PRDM1: variants seen among roughly 807,000 people sequenced by gnomAD.
PRDM1 encodes PR domain zinc finger protein 1.
In PRDM1, 13 loss-of-function variants were observed where a neutral mutation model predicts 62.8. That is an observed-to-expected ratio of 0.21 (90% CI 0.13 to 0.33). PRDM1 has a LOEUF of 0.33. PRDM1 is among the 10% of genes least tolerant of loss of function. The probability of loss-of-function intolerance (pLI) is 1.00; values close to 1 mark genes in which losing one functional copy is unlikely to be tolerated. For missense variants in PRDM1, 895 were observed against 1,058.8 expected (o/e 0.85, Z 2.15); for synonymous variants, 396 against 417.6 (o/e 0.95, Z 0.63).
chr6:106,024,032 C>G (rs1232236015), intron 1 of PRDM1, among the ~76,000 whole-genome samples: 4 of 151,974 alleles, frequency 2.6e-5, no homozygotes, highest in African/African-American at 9.7e-5. Context: ...GTCCTAGGTC[C>G]TTGGGAGGCT....
chr6:106,072,635 G>T (rs1773537038), intron 1 of PRDM1, among the ~76,000 whole-genome samples: 1 of 152,226 alleles, frequency 6.6e-6, no homozygotes, highest in Non-Finnish European at 1.5e-5. Flanking sequence ...ACTTTGGGGG[G>T]CTCTGCCCGG....
chr6:106,052,817 A>C (rs574339602), intron 1 of PRDM1, among the ~76,000 whole-genome samples: 2 of 152,118 alleles, frequency 1.3e-5, no homozygotes, highest in Non-Finnish European at 1.5e-5. Context: ...CTAAAAATAC[A>C]AAAATTAGCC....
At chr6:106,063,283 G>T (rs1773375347) in intron 1 of PRDM1, among the ~76,000 whole-genome samples, 1 of 152,154 alleles carries the variant, frequency 6.6e-6, no homozygotes, top group Non-Finnish European at 1.5e-5. Flanking sequence ...GATAATCTCA[G>T]CACCAACTAG....
chr6:106,075,240 A>T (rs1773587528), intron 1 of PRDM1, among the ~76,000 whole-genome samples: 1 of 152,228 alleles, frequency 6.6e-6, no homozygotes, highest in Admixed American at 6.5e-5. Flanking sequence ...TATTTAAAGT[A>T]AGGACAGTCT....
At chr6:106,088,710 T>C (rs1773882498) in intron 2 of PRDM1, among the ~76,000 whole-genome samples, 1 of 152,216 alleles carries the variant, frequency 6.6e-6, no homozygotes, top group Non-Finnish European at 1.5e-5. Context: ...AAAAGCAACT[T>C]GCAGCATAGG....
intron 1 of PRDM1, among the ~76,000 whole-genome samples, chr6:106,069,015 C>A (rs111952974): frequency 6.6e-5 from 10 of 152,154 alleles, no homozygotes; most frequent in Non-Finnish European, 1.0e-4. Context: ...GCAGAAAGCA[C>A]ACCAGGTTGT....
In PRDM1 at chr6:106,086,604, C is replaced by T. The variant is rs1236227580; in HGVS notation, c.42+9C>T. 4 of 1,546,382 alleles carry T rather than the reference C, an allele frequency of 2.6e-6. No individual in the cohort carries two copies. Among genetic ancestry groups the T allele is most frequent in the Non-Finnish European group, 3.5e-6 (4 of 1,143,372 alleles). ...GTGTGGGTACGACCTTGGTAAGGAACTTGAATTTTTTTTTTTTAATTCTGA... is the reference window on the plus strand; with the variant it reads ...GTGTGGGTACGACCTTGGTAAGGAATTTGAATTTTTTTTTTTTAATTCTGA... On this transcript the variant is annotated intron_variant, in intron 1 of 6. Coordinates refer to ENST00000369096, the MANE Select transcript of PRDM1 (RefSeq NM_001198.4).
chr6:106,022,986 T>C (rs1274385999), intron 1 of PRDM1, among the ~76,000 whole-genome samples: 1 of 152,250 alleles, frequency 6.6e-6, no homozygotes, highest in Non-Finnish European at 1.5e-5. Flanking sequence ...GCGATTCTTT[T>C]GTGTTCTTCC....
intron 1 of PRDM1, among the ~76,000 whole-genome samples, chr6:106,064,361 AG>A (rs1773393254): frequency 1.3e-5 from 2 of 152,366 alleles, no homozygotes; most frequent in South Asian, 4.1e-4. Flanking sequence ...GTGATCACTC[AG>A]GATCAGTGAG....
chr6:106,056,223 A>G (rs1446255529), intron 1 of PRDM1, among the ~76,000 whole-genome samples: 4 of 151,964 alleles, frequency 2.6e-5, no homozygotes, highest in African/African-American at 9.7e-5. Flanking sequence ...TGGCCTTCCC[A>G]CTCTGTTGTC....
intron 1 of PRDM1, among the ~76,000 whole-genome samples, chr6:106,006,870 C>G (rs1772489767): frequency 1.3e-5 from 2 of 151,868 alleles, no homozygotes; most frequent in Non-Finnish European, 1.5e-5. Context: ...TCACAGTAAG[C>G]TTAAAAATGT....
At chr6:106,018,687 G>A (rs961636277) in intron 1 of PRDM1, among the ~76,000 whole-genome samples, 2 of 151,934 alleles carry the variant, frequency 1.3e-5, no homozygotes, top group African/African-American at 2.4e-5. Context: ...TGGGGTTATG[G>A]GCTTTTTGGA....
intron 2 of PRDM1, among the ~76,000 whole-genome samples, chr6:106,092,612 T>C (rs1201688496): frequency 9.2e-5 from 14 of 152,212 alleles, no homozygotes. Flanking sequence ...TGTTACAAAC[T>C]ATGGGTCAGG....
At chr6:106,066,659 GA>G (rs1773438945) in intron 1 of PRDM1, among the ~76,000 whole-genome samples, 1 of 151,954 alleles carries the variant, frequency 6.6e-6, no homozygotes, top group Non-Finnish European at 1.5e-5. Flanking sequence ...TTAAAGATTT[GA>G]AAAAATACAG....
At chr6:106,055,210 G>C (rs955782595) in intron 1 of PRDM1, among the ~76,000 whole-genome samples, 14 of 152,186 alleles carry the variant, frequency 9.2e-5, no homozygotes, top group African/African-American at 2.9e-4. Flanking sequence ...ACTGGGCAGG[G>C]TCCTTAAATG....
rs897545220 is a variant in PRDM1, at chr6:106,040,680, AATT to A, written c.-67+47049_-67+47051del. On this transcript the variant is annotated intron_variant, in intron 1 of 6. Transcript: ENST00000652320. Reference sequence around the variant, plus strand: ...ATTTCTTGTTTGTTAAAATTACAAGAATTATTATTAATTTGCAGTTATGAATTA... The same window carrying A: ...ATTTCTTGTTTGTTAAAATTACAAGAATTATTAATTTGCAGTTATGAATTA... Among the ~76,000 whole-genome samples the A allele has an allele frequency of 5.6e-4, 86 of 152,338 alleles. 1 individual carries two copies. The highest frequency in any genetic ancestry group is 2.5e-3 in the Admixed American group (39 of 15,306).
chr6:106,075,607 T>G (rs1327413021), intron 1 of PRDM1, among the ~76,000 whole-genome samples: 1 of 152,236 alleles, frequency 6.6e-6, no homozygotes, highest in Non-Finnish European at 1.5e-5. Flanking sequence ...TTTTTTCACA[T>G]AGTGAGAATC....
At chr6:106,022,779 C>T (rs1239530664) in intron 1 of PRDM1, among the ~76,000 whole-genome samples, 6 of 152,140 alleles carry the variant, frequency 3.9e-5, no homozygotes, top group Admixed American at 3.9e-4. Flanking sequence ...TGGTCTCAAA[C>T]TCCTGGCCCC....
At chr6:106,025,393 C>A (rs1772750691) in intron 1 of PRDM1, among the ~76,000 whole-genome samples, 1 of 152,172 alleles carries the variant, frequency 6.6e-6, no homozygotes, top group African/African-American at 2.4e-5. Context: ...CATAAAAGAT[C>A]CATAACTTTC....
Sources: gnomAD v4.1 joint callset for allele counts (sites outside exome capture counted in the v4.1 genomes callset) on GRCh38, gnomAD v4.1.1 for gene constraint, MANE v1.5 for transcripts, NCBI Gene and HGNC (gene_info 2026-07-23, HGNC 2026-07-21) for gene names.